MICAL3: variants seen among roughly 807,000 people sequenced by gnomAD.
MICAL3 encodes microtubule associated monooxygenase, calponin and LIM domain containing 3.
In MICAL3, 62 loss-of-function variants were observed where a neutral mutation model predicts 207.4. The ratio of observed to expected loss-of-function variants is 0.30; its 90% CI spans 0.24 to 0.37. The LOEUF is 0.37. Among genes scored for constraint, MICAL3 ranks in the 10% least tolerant of loss-of-function variants. The pLI, the probability that MICAL3 is intolerant of heterozygous loss-of-function variation, is 1.00. For synonymous variants in MICAL3, 1,077 were observed against 1,069.3 expected (o/e 1.01, Z -0.14); for missense variants, 2,368 against 2,635.6 (o/e 0.90, Z 2.22).
At chr22:17,838,835 C>T (rs1923681542) in intron 20 of MICAL3, among the ~76,000 whole-genome samples, 2 of 152,168 alleles carry the variant, frequency 1.3e-5, no homozygotes, top group Admixed American at 1.3e-4. Flanking sequence ...GCTGGAAAGG[C>T]ACCCAATTCT....
chr22:17,990,759 A>C (rs937007527), intron 1 of MICAL3, among the ~76,000 whole-genome samples: 1 of 152,162 alleles, frequency 6.6e-6, no homozygotes, highest in African/African-American at 2.4e-5. Flanking sequence ...CATACGGGTA[A>C]CTCTGTAAGA....
In MICAL3 at chr22:17,793,385, G is replaced by T. The variant is rs115135025; in HGVS notation, c.5651-2084C>A. 6.6e-6 allele frequency among the ~76,000 whole-genome samples: 1 copy of T among 152,112 alleles called. No homozygotes were observed. The highest frequency in any genetic ancestry group is 1.5e-5 in the Non-Finnish European group (1 of 68,016). ...ATTCCTTGACTCTCCCATCCAAATC[G>T]CTGCACGCAGGCGGGAGGCTCCTCA... is the stretch of plus-strand genomic sequence containing the variant. On this transcript the variant is annotated intron_variant, in intron 29 of 31. Transcript: ENST00000441493. The surrounding 1 kb of genome is among the most constrained non-coding windows in gnomAD (Gnocchi z 4.1).
At chr22:17,908,220 G>A (rs999323148) in intron 1 of MICAL3, among the ~76,000 whole-genome samples, 4 of 152,174 alleles carry the variant, frequency 2.6e-5, no homozygotes, top group Admixed American at 1.3e-4. Context: ...GCACGACCCC[G>A]CTGCACAACT....
In MICAL3 at chr22:17,817,320, C is replaced by T. The variant is rs777621120; in HGVS notation, c.5341G>A (p.Val1781Ile). ...CCGGCTGCTGACGCACCTGCCCTTA[C>T]GACGGGAAGCACCCTGTGCTTTCCA... ...DSGKHRVLPV[V>I]RAELQLRRQL... is the part of the protein sequence containing the mutation. The change falls in exon 26 of 32, where the codon GTA becomes ATA. Residue 1781 changes from valine (V) to isoleucine (I), a missense_variant. This residue lies in a region of MICAL3 where 1,770 missense variants were observed against 1,863.2 expected (regional missense o/e 0.95). Transcript: ENST00000441493. 1.1e-4 allele frequency: 172 copies of T among 1,597,292 alleles called. No individual in the cohort carries two copies. Among genetic ancestry groups the T allele is most frequent in the East Asian group, 3.6e-4 (16 of 44,188 alleles).
chr22:17,795,233 C>G (rs546746125), intron 29 of MICAL3, among the ~76,000 whole-genome samples: 1 of 152,236 alleles, frequency 6.6e-6, no homozygotes, highest in Admixed American at 6.5e-5. Flanking sequence ...GATTTCTTTC[C>G]TCAACAATAC....
chr22:18,015,002 A>G (rs918150912), intron 1 of MICAL3, among the ~76,000 whole-genome samples: 3 of 151,866 alleles, frequency 2.0e-5, no homozygotes, highest in Non-Finnish European at 4.4e-5. Flanking sequence ...AAAAAAAGAG[A>G]AAGTGTTGCT....
intron 27 of MICAL3, chr22:17,815,426 A>G (rs2062094221): frequency 6.6e-6 from 1 of 152,280 alleles, no homozygotes; most frequent in Non-Finnish European, 1.5e-5. Context: ...CACATTCTCC[A>G]TTCTTTGCTG....
intron 1 of MICAL3, among the ~76,000 whole-genome samples, chr22:17,995,156 C>A (rs183039736): frequency 6.6e-6 from 1 of 152,168 alleles, no homozygotes; most frequent in Non-Finnish European, 1.5e-5. Context: ...CTTCTTCTCT[C>A]TTCTTTAATC....
At chr22:17,819,616 C>T (rs5992856) in intron 25 of MICAL3, among the ~76,000 whole-genome samples, 5,711 of 152,086 alleles carry the variant, frequency 0.038, 344 homozygotes, top group African/African-American at 0.13. Flanking sequence ...CTTATATCAC[C>T]CCATCCAAGA....
rs747355518 is a variant in MICAL3, at chr22:17,827,643, C to T, written c.3193+1G>A. 1 of 1,561,322 alleles carries T rather than the reference C, an allele frequency of 6.4e-7. No homozygotes were observed. Among genetic ancestry groups the T allele is most frequent in the Non-Finnish European group, 8.7e-7 (1 of 1,153,164 alleles). ...TGCGGCCTGGGGCTGGGAGTGTTTA[C>T]CTCCGGAAGCAGAGGACTCAGAGGC... On this transcript the variant is annotated splice_donor_variant, in intron 22 of 31. Transcript: ENST00000441493. LOFTEE classifies it high-confidence loss of function.
At chr22:18,016,434 G>T (rs1924058192) in intron 1 of MICAL3, among the ~76,000 whole-genome samples, 1 of 151,964 alleles carries the variant, frequency 6.6e-6, no homozygotes, top group Non-Finnish European at 1.5e-5. Flanking sequence ...GCAGTTCTAT[G>T]ACTTTTAACA....
At chr22:17,931,529 T>C (rs1468246991) in intron 1 of MICAL3, among the ~76,000 whole-genome samples, 3 of 152,180 alleles carry the variant, frequency 2.0e-5, no homozygotes, top group Non-Finnish European at 4.4e-5. Flanking sequence ...ACAGGACACA[T>C]GCTCCCTCCC....
intron 13 of MICAL3, 38 bp downstream of exon 13, chr22:17,888,996 C>T: frequency 2.0e-6 from 3 of 1,472,138 alleles, no homozygotes; most frequent in Non-Finnish European, 2.8e-6. Flanking sequence ...CACAGCACAG[C>T]AGCAGGGGGC....
intron 29 of MICAL3, among the ~76,000 whole-genome samples, chr22:17,795,991 G>A (rs1390943597): frequency 1.3e-5 from 2 of 152,252 alleles, no homozygotes; most frequent in African/African-American, 2.4e-5. Flanking sequence ...CAAAGATGCT[G>A]TCAAGCTTCT....
intron 21 of MICAL3, 73 bp downstream of exon 21, chr22:17,831,781 C>T: frequency 6.6e-7 from 1 of 1,509,378 alleles, no homozygotes; most frequent in Non-Finnish European, 8.9e-7. Flanking sequence ...CCCCAGAAAC[C>T]TCTTACACTC....
At chr22:17,839,258 A>AATTTTTT (rs1923737180) in intron 20 of MICAL3, among the ~76,000 whole-genome samples, 2 of 110,394 alleles carry the variant, frequency 1.8e-5, no homozygotes, top group African/African-American at 3.8e-5. Flanking sequence ...CGGGCTCTTC[A>AATTTTTT]TTTTTTTTTT....
intron 19 of MICAL3, chr22:17,862,770 C>A: frequency 4.1e-6 from 4 of 985,534 alleles, no homozygotes; most frequent in Non-Finnish European, 4.8e-6. Flanking sequence ...TGATTCTGAG[C>A]TGCCGGACTA....
chr22:17,807,168 A>G (rs970418882), intron 29 of MICAL3, among the ~76,000 whole-genome samples: 1 of 152,248 alleles, frequency 6.6e-6, no homozygotes, highest in African/African-American at 2.4e-5. Flanking sequence ...GAAGGGCAAG[A>G]AGGAATGAAG....
intron 21 of MICAL3, among the ~76,000 whole-genome samples, chr22:17,831,193 A>G (rs1922766636): frequency 6.6e-6 from 1 of 152,104 alleles, no homozygotes; most frequent in African/African-American, 2.4e-5. Flanking sequence ...CACCCCCCAG[A>G]CTTCTGCGCT....
Sources: gnomAD v4.1 joint callset for allele counts (sites outside exome capture counted in the v4.1 genomes callset) on GRCh38, gnomAD v4.1.1 for gene constraint, gnomAD v4.1.1 regional missense constraint, Gnocchi (gnomAD v3.1) non-coding constraint, MANE v1.5 for transcripts, NCBI Gene and HGNC (gene_info 2026-07-23, HGNC 2026-07-21) for gene names.